PDE9A: variants seen among roughly 807,000 people sequenced by gnomAD.
The protein encoded by PDE9A is high affinity cGMP-specific 3',5'-cyclic phosphodiesterase 9A.
PDE9A carries 60 observed loss-of-function variants against 87.4 expected under a neutral mutation model. The ratio of observed to expected loss-of-function variants is 0.69; its 90% CI spans 0.56 to 0.85. The LOEUF (loss-of-function observed/expected upper bound fraction) is 0.85, where lower values mean the gene tolerates loss of function less well. Ranked by LOEUF, PDE9A falls within the 40% of genes least tolerant of loss-of-function variation. The pLI is 0.00. For synonymous variants in PDE9A, 272 were observed against 279.4 expected (o/e 0.97, Z 0.27); for missense variants, 665 against 779.0 (o/e 0.85, Z 1.74).
At chr21:42,755,477 C>T (rs370620702) in intron 10 of PDE9A, among the ~76,000 whole-genome samples, 24 of 152,316 alleles carry the variant, frequency 1.6e-4, no homozygotes, top group East Asian at 1.4e-3. Context: ...AACCTCCAGC[C>T]GCCACGTGGC....
intron 10 of PDE9A, chr21:42,758,785 A>C (rs2055352362): frequency 1.3e-5 from 7 of 524,634 alleles, no homozygotes; most frequent in Non-Finnish European, 2.1e-5. Context: ...TCAAACCCCC[A>C]CCCATCTGAG....
intron 1 of PDE9A, among the ~76,000 whole-genome samples, chr21:42,663,964 G>T (rs1368213285): frequency 6.6e-6 from 1 of 152,230 alleles, no homozygotes; most frequent in African/African-American, 2.4e-5. Flanking sequence ...GGGGTCTGGA[G>T]TTTGTGATTC....
rs891526509 is a variant in PDE9A, at chr21:42,705,649, C to A, written c.262+6638C>A. Among the ~76,000 whole-genome samples, 13 of 152,184 alleles carry A rather than the reference C, an allele frequency of 8.5e-5. No individual in the cohort carries two copies. Among genetic ancestry groups the A allele is most frequent in the Admixed American group, 6.5e-5 (1 of 15,290 alleles). ...GCAGTCACACGCCAGGACGGCCCCC[C>A]ACGGCCCAAGTCCTATAGGAGAGCC... On this transcript the variant is annotated intron_variant, in intron 4 of 19. Transcript: ENST00000291539. This position sits in a 1 kb window ranked among gnomAD's most constrained non-coding sequence, Gnocchi z 4.3.
chr21:42,744,820 G>A (rs1464849570), intron 8 of PDE9A, among the ~76,000 whole-genome samples: 2 of 152,340 alleles, frequency 1.3e-5, no homozygotes, highest in African/African-American at 2.4e-5. Flanking sequence ...GCAAAGAGAC[G>A]GCGGTGATGA....
rs11292693 is a variant in PDE9A at position 42,660,625 on chromosome 21, TAA to T, written c.69+6756_69+6757del. 0.02 allele frequency among the ~76,000 whole-genome samples: 2,788 copies of T among 138,924 alleles called. 88 individuals carry two copies. Among genetic ancestry groups the T allele is most frequent in the African/African-American group, 0.067 (2,556 of 38,232 alleles). The allele number at this position is 138,924 out of a possible 152,430, so 91.1% of individuals were successfully genotyped here. ...CCCCTTCCCCAAACACTATTGGAAT[TAA>T]AAAAAAAAAAAAAGATTAAAATGGT... On this transcript the variant is annotated intron_variant, in intron 1 of 19. Transcript: ENST00000291539. The surrounding 1 kb of genome is among the most constrained non-coding windows in gnomAD (Gnocchi z 4.7).
Position 42,731,739 on chromosome 21 carries a change from T to A in PDE9A, c.263-31T>A, listed in dbSNP as rs760463630. The A allele has an allele frequency of 8.8e-6, 14 of 1,593,194 alleles. No individual in the cohort carries two copies. The Admixed American group carries it at 2.3e-4, about 26-fold the overall frequency. On this transcript the variant is annotated intron_variant, in intron 4 of 19. Transcript: ENST00000291539. ...GACACTAAGAGGAAACTTCCCATAT[T>A]TGGAAACCCAGTCCTGCCTGCTTTT...
chr21:42,730,987 C>T (rs2051672170), intron 4 of PDE9A, among the ~76,000 whole-genome samples: 2 of 152,198 alleles, frequency 1.3e-5, no homozygotes, highest in Middle Eastern at 3.4e-3. Flanking sequence ...GATGGAGTTT[C>T]GCTCTTGTTC....
intron 7 of PDE9A, among the ~76,000 whole-genome samples, chr21:42,736,059 G>A (rs1569221065): frequency 6.6e-6 from 1 of 151,984 alleles, no homozygotes; most frequent in Non-Finnish European, 1.5e-5. Context: ...GATGCCCGCG[G>A]GCAGCAGGTG....
At chr21:42,689,852 C>T in intron 3 of PDE9A, 1 of 985,344 alleles carries the variant, frequency 1.0e-6, no homozygotes, top group Non-Finnish European at 1.2e-6. Flanking sequence ...TGGACGTGGA[C>T]AGGGGAGCAG....
At chr21:42,743,354 G>T (rs1297075087) in intron 7 of PDE9A, among the ~76,000 whole-genome samples, 3 of 152,228 alleles carry the variant, frequency 2.0e-5, no homozygotes, top group Non-Finnish European at 4.4e-5. Flanking sequence ...ACGCTTTGCC[G>T]TTCACTGCAT....
intron 4 of PDE9A, among the ~76,000 whole-genome samples, chr21:42,718,264 G>C: frequency 6.6e-6 from 1 of 151,784 alleles, no homozygotes; most frequent in Non-Finnish European, 1.5e-5. Flanking sequence ...GTTGGACTAT[G>C]ATGTGCTTCA....
chr21:42,750,488 T>A (rs1313432008), intron 8 of PDE9A, among the ~76,000 whole-genome samples: 2 of 152,068 alleles, frequency 1.3e-5, no homozygotes, highest in Non-Finnish European at 2.9e-5. Flanking sequence ...ACTTTACTCT[T>A]GTGTTGTTTA....
intron 1 of PDE9A, among the ~76,000 whole-genome samples, chr21:42,655,473 T>C (rs548953243): frequency 5.9e-5 from 9 of 152,172 alleles, no homozygotes; most frequent in Admixed American, 5.9e-4. Context: ...CTTTTCACAG[T>C]GGACACGCTG....
At chr21:42,753,284 GCATGAGC>G (rs2054625568) in intron 9 of PDE9A, among the ~76,000 whole-genome samples, 1 of 152,198 alleles carries the variant, frequency 6.6e-6, no homozygotes, top group Non-Finnish European at 1.5e-5. Context: ...GGGATTACAA[GCATGAGC>G]CACCATGCCC....
intron 9 of PDE9A, among the ~76,000 whole-genome samples, chr21:42,753,660 C>A (rs888178821): frequency 6.6e-6 from 1 of 151,808 alleles, no homozygotes; most frequent in Admixed American, 6.6e-5. Context: ...GTCAGGAGTT[C>A]GAGACCAGCC....
At position 42,723,534 on chromosome 21, in the gene PDE9A, G is replaced by T. The variant is rs2050737097; in HGVS notation, c.263-8236G>T. The stretch of plus-strand genomic sequence containing the variant: ...AGTCAAATCTTCTGCCTTTATGAAA[G>T]TCATGGTATCTAGAGGTAAATCCCC... On this transcript the variant is annotated intron_variant, in intron 4 of 19. Coordinates refer to ENST00000291539, the MANE Select transcript of PDE9A (RefSeq NM_002606.3). The surrounding 1 kb of genome is among the most constrained non-coding windows in gnomAD (Gnocchi z 4.3). Among the ~76,000 whole-genome samples the T allele has an allele frequency of 1.3e-5, 2 of 152,154 alleles. 1 individual carries two copies. The highest frequency in any genetic ancestry group is 4.1e-4 in the South Asian group (2 of 4,826).
In PDE9A at chr21:42,723,722, C is replaced by T. The variant is rs146210167; in HGVS notation, c.263-8048C>T. On this transcript the variant is annotated intron_variant, in intron 4 of 19. Transcript: ENST00000291539. This position sits in a 1 kb window ranked among gnomAD's most constrained non-coding sequence, Gnocchi z 4.3. ...CCTAGGTTTCCATCACATGGATCAG[C>T]GAGAGTTAATGCTGACTCCCCCTCC... Among the ~76,000 whole-genome samples the T allele has an allele frequency of 1.7e-3, 266 of 152,204 alleles. No individual in the cohort carries two copies. The highest frequency in any genetic ancestry group is 6.0e-3 in the African/African-American group (251 of 41,508).
At chr21:42,656,475 T>C (rs1259488070) in intron 1 of PDE9A, among the ~76,000 whole-genome samples, 2 of 152,232 alleles carry the variant, frequency 1.3e-5, no homozygotes, top group Non-Finnish European at 2.9e-5. Flanking sequence ...AATCTGAAGT[T>C]GTCTGAGGGA....
chr21:42,708,299 A>G (rs765569456), intron 4 of PDE9A, among the ~76,000 whole-genome samples: 11 of 152,192 alleles, frequency 7.2e-5, no homozygotes, highest in Middle Eastern at 3.2e-3. Context: ...TGCCACTGTC[A>G]GAGATATTGA....
Sources: gnomAD v4.1 joint callset for allele counts (sites outside exome capture counted in the v4.1 genomes callset) on GRCh38, gnomAD v4.1.1 for gene constraint, Gnocchi (gnomAD v3.1) non-coding constraint, MANE v1.5 for transcripts, NCBI Gene and HGNC (gene_info 2026-07-23, HGNC 2026-07-21) for gene names.